The following ADARB2 variants were observed in gnomAD, a reference collection of about 807,000 sequenced individuals.
ADARB2 encodes the protein inactive double-stranded RNA-specific editase B2.
Under a neutral mutation model 62.2 loss-of-function variants are expected in ADARB2, and 25 were observed. That is an observed-to-expected ratio of 0.40 (90% CI 0.29 to 0.56). The LOEUF is 0.56. Ranked by LOEUF, ADARB2 falls within the 20% of genes least tolerant of loss-of-function variation. ADARB2 has a pLI of 0.43. For synonymous variants in ADARB2, 572 were observed against 500.8 expected (o/e 1.14, Z -1.90); for missense variants, 1,071 against 1,077.4 (o/e 0.99, Z 0.08).
intron 1 of ADARB2, among the ~76,000 whole-genome samples, chr10:1,593,681 T>A (rs943142339): frequency 2.2e-4 from 34 of 152,226 alleles, no homozygotes; most frequent in Non-Finnish European, 3.8e-4. Flanking sequence ...TGATTTGGTT[T>A]GTTTTTGCTT....
intron 3 of ADARB2, among the ~76,000 whole-genome samples, chr10:1,333,796 C>A (rs145820188): frequency 6.6e-6 from 1 of 152,196 alleles, no homozygotes; most frequent in East Asian, 1.9e-4. Flanking sequence ...CCTGTGCCCT[C>A]GGTTCATCCA....
At chr10:1,519,552 C>T (rs555455604) in intron 1 of ADARB2, among the ~76,000 whole-genome samples, 9 of 152,304 alleles carry the variant, frequency 5.9e-5, no homozygotes, top group African/African-American at 2.2e-4. Flanking sequence ...CAGCAGAGAG[C>T]CATCATCCCC....
chr10:1,223,084 T>C (rs1830709749), intron 6 of ADARB2, among the ~76,000 whole-genome samples: 1 of 152,224 alleles, frequency 6.6e-6, no homozygotes, highest in African/African-American at 2.4e-5. Flanking sequence ...TGTCCTCTTT[T>C]ATTTCATTGA....
intron 4 of ADARB2, among the ~76,000 whole-genome samples, chr10:1,248,089 T>A (rs1831003242): frequency 6.6e-6 from 1 of 152,216 alleles, no homozygotes; most frequent in Non-Finnish European, 1.5e-5. Context: ...CAGTAGGGGC[T>A]TATTAAGTCA....
Position 1,233,712 on chromosome 10 carries a change from A to T in ADARB2, c.1495T>A (p.Tyr499Asn). Residue 499 changes from tyrosine to asparagine, a missense_variant, in exon 6 of 10, where the codon TAC becomes AAC. Physicochemically the swap from Tyr to Asn is moderately radical, Grantham distance 143 (BLOSUM62 -2). Coordinates refer to ENST00000381312, the MANE Select transcript of ADARB2 (RefSeq NM_018702.4). ...PCGDARLHSP[Y>N]EITTDLHSSK... is the part of the protein sequence containing the mutation. Reference sequence around the variant, plus strand: ...CTCTTACGGTCTGTGGTGATCTCGTAGGGAGAGTGGAGTCTTGCGTCTCCA... The same window carrying T: ...CTCTTACGGTCTGTGGTGATCTCGTTGGGAGAGTGGAGTCTTGCGTCTCCA... The T allele has an allele frequency of 6.2e-7, 1 of 1,613,520 alleles. No individual in the cohort carries two copies. Among genetic ancestry groups the T allele is most frequent in the Non-Finnish European group, 8.5e-7 (1 of 1,179,770 alleles).
chr10:1,327,059 C>CCAGCGCCTCCCCACTGCA (rs1564258058), intron 3 of ADARB2, among the ~76,000 whole-genome samples: 2 of 50,350 alleles, frequency 4.0e-5, no homozygotes, highest in Non-Finnish European at 7.2e-5. Flanking sequence ...TCCCCACTGC[C>CCAGCGCCTCCCCACTGCA]CAGCGCCTCC....
At chr10:1,611,496 C>T (rs1833572201) in intron 1 of ADARB2, among the ~76,000 whole-genome samples, 1 of 152,106 alleles carries the variant, frequency 6.6e-6, no homozygotes. Context: ...CGCTGGAGCT[C>T]CCCATTCCCC....
chr10:1,188,587 CTT>C (rs60434013), intron 8 of ADARB2, among the ~76,000 whole-genome samples: 1 of 140,280 alleles, frequency 7.1e-6, no homozygotes, highest in Non-Finnish European at 1.5e-5. Flanking sequence ...AATAGCAGTC[CTT>C]TTTTTTTTTT....
rs192269134 is a variant in ADARB2, at chr10:1,248,602, T to A, written c.1193-6303A>T. On this transcript the variant is annotated intron_variant, in intron 4 of 9. Coordinates refer to ENST00000381312, the MANE Select transcript of ADARB2 (RefSeq NM_018702.4). ...CAGGAGAAGATCAGGAAGCCCAGGA[T>A]GGGGCGGCTGTGGTGCCAACAGCAT... Among the ~76,000 whole-genome samples the A allele has an allele frequency of 2.4e-3, 365 of 152,318 alleles. 1 individual carries two copies. Among genetic ancestry groups the A allele is most frequent in the Middle Eastern group, 6.8e-3 (2 of 294 alleles).
chr10:1,354,261 G>A (rs867041680), intron 3 of ADARB2, among the ~76,000 whole-genome samples: 5 of 152,150 alleles, frequency 3.3e-5, no homozygotes, highest in South Asian at 2.1e-4. Context: ...CATATTCGCT[G>A]TGACCTGCAG....
At chr10:1,267,415 CAA>C (rs1831215513) in intron 4 of ADARB2, among the ~76,000 whole-genome samples, 1 of 152,130 alleles carries the variant, frequency 6.6e-6, no homozygotes, top group African/African-American at 2.4e-5. Context: ...TGAGGGGAGA[CAA>C]AGCAAGGAGG....
At chr10:1,444,939 C>T (rs1830950407) in intron 1 of ADARB2, among the ~76,000 whole-genome samples, 1 of 149,962 alleles carries the variant, frequency 6.7e-6, no homozygotes, top group African/African-American at 2.5e-5. Context: ...ATCTATCAAT[C>T]CATCCACCCA....
At chr10:1,370,842 T>G (rs572803328) in intron 2 of ADARB2, among the ~76,000 whole-genome samples, 2 of 152,334 alleles carry the variant, frequency 1.3e-5, no homozygotes, top group South Asian at 2.1e-4. Context: ...GCTCATGGAT[T>G]GGAAGAATCA....
intron 3 of ADARB2, among the ~76,000 whole-genome samples, chr10:1,320,249 G>T (rs973913681): frequency 2.6e-5 from 4 of 152,210 alleles, no homozygotes; most frequent in African/African-American, 9.7e-5. Flanking sequence ...TATGGAGAAT[G>T]GAGTGAGTCT....
chr10:1,673,086 C>T (rs561452261), intron 1 of ADARB2, among the ~76,000 whole-genome samples: 1 of 152,272 alleles, frequency 6.6e-6, no homozygotes, highest in South Asian at 2.1e-4. Flanking sequence ...GGCTTCACCT[C>T]ATTCCTTTTG....
chr10:1,290,018 GTGT>G (rs1199978247), intron 3 of ADARB2: 1 of 152,272 alleles, frequency 6.6e-6, no homozygotes. Flanking sequence ...TTTCAGTCTT[GTGT>G]TGTTAGCATG....
chr10:1,459,095 A>G (rs146432810), intron 1 of ADARB2, among the ~76,000 whole-genome samples: 154 of 152,342 alleles, frequency 1.0e-3, no homozygotes, highest in African/African-American at 3.5e-3. Flanking sequence ...TGTGGGTGGG[A>G]GTGCAAATTA....
chr10:1,184,875 G>T lies in ADARB2; in HGVS notation c.2029C>A (p.Arg677=), dbSNP rs369823256. The change falls in exon 9 of 10, where the codon CGG becomes AGG. Residue 677 remains arginine (R), a synonymous_variant. Coordinates refer to ENST00000381312, the MANE Select transcript of ADARB2 (RefSeq NM_018702.4). The part of the protein sequence containing the change: ...CKHVLSARWA[R]LYGRLSTRTP... ...GTGCGACCTACCCTGCCATACAGCC[G>T]CGCCCACCGTGCAGACAGCACGTGC... 6.2e-7 allele frequency: 1 copy of T among 1,613,366 alleles called. No individual in the cohort carries two copies. The highest frequency in any genetic ancestry group is 1.1e-5 in the South Asian group (1 of 91,054).
intron 6 of ADARB2, among the ~76,000 whole-genome samples, chr10:1,229,881 T>A (rs1303112774): frequency 6.6e-6 from 1 of 151,950 alleles, no homozygotes; most frequent in Non-Finnish European, 1.5e-5. Context: ...TATATATGTG[T>A]GAGAAAGGGA....
Sources: allele counts gnomAD v4.1 joint callset (sites outside exome capture counted in the v4.1 genomes callset), GRCh38; gene constraint gnomAD v4.1.1; transcripts MANE v1.5; gene names NCBI Gene and HGNC (gene_info 2026-07-23, HGNC 2026-07-21).